Variants in DUSP3 observed in about 807,000 individuals in gnomAD.
DUSP3 encodes the protein dual specificity phosphatase 3.
DUSP3 carries 7 observed loss-of-function variants against 15.5 expected under a neutral mutation model. The ratio of observed to expected loss-of-function variants is 0.45; its 90% CI spans 0.26 to 0.85. The LOEUF is 0.85. DUSP3 is among the 40% of genes least tolerant of loss of function. The pLI is 0.18. For missense variants in DUSP3, 209 were observed against 251.7 expected (o/e 0.83, Z 1.15); for synonymous variants, 86 against 104.2 (o/e 0.83, Z 1.07).
intron 1 of DUSP3, chr17:43,777,394 G>T (rs1974402684): frequency 2.5e-6 from 1 of 402,064 alleles, no homozygotes; most frequent in Non-Finnish European, 5.0e-6. Flanking sequence ...GTGAATGAAT[G>T]ATGGAATGGA....
chr17:43,778,446 G>A (rs1314187281), intron 1 of DUSP3: 1 of 175,454 alleles, frequency 5.7e-6, no homozygotes, highest in Non-Finnish European at 1.2e-5. Context: ...GCGCGGGCAG[G>A]AGACCGGCCG....
At chr17:43,774,645 C>T (rs1974364481) in intron 2 of DUSP3, 67 bp downstream of exon 2, 1 of 1,544,902 alleles carries the variant, frequency 6.5e-7, no homozygotes, top group African/African-American at 1.4e-5. Flanking sequence ...CTGTTGTGGG[C>T]CTGTTTTCCA....
At chr17:43,778,608 T>G (rs933980731) in intron 1 of DUSP3, among the ~76,000 whole-genome samples, 192 bp downstream of exon 1, 4 of 151,958 alleles carry the variant, frequency 2.6e-5, no homozygotes, top group African/African-American at 9.7e-5. Context: ...CAGGCAGGGT[T>G]CCAGTTCCTT....
intron 2 of DUSP3, among the ~76,000 whole-genome samples, chr17:43,771,231 T>C (rs745499555): frequency 6.6e-6 from 1 of 151,836 alleles, no homozygotes; most frequent in Non-Finnish European, 1.5e-5. Context: ...CCCAAGACAA[T>C]GTAAACATTT....
rs1356409199 is a variant in DUSP3 at position 43,766,757 on chromosome 17, A to G, written c.*2852T>C. ...ATTTGTAGGTGGTGGTTTCTGGATA[A>G]CTCAGAGTGGCAGGGACACAGACGA... On this transcript the variant is annotated 3_prime_UTR_variant, in exon 3 of 3. Transcript: ENST00000226004. 6.6e-6 allele frequency: 1 copy of G among 152,292 alleles called. No individual in the cohort carries two copies. The highest frequency in any genetic ancestry group is 1.5e-5 in the Non-Finnish European group (1 of 68,058). The allele number at this position is 152,292 out of a possible 1,614,324, so 9.4% of individuals were successfully genotyped here.
At chr17:43,774,634 C>T in intron 2 of DUSP3, 78 bp downstream of exon 2, 1 of 1,466,670 alleles carries the variant, frequency 6.8e-7, no homozygotes, top group South Asian at 1.2e-5. Flanking sequence ...TAAGAAGAGA[C>T]CTGTTGTGGG....
At chr17:43,772,474 C>A (rs1488208991) in intron 2 of DUSP3, among the ~76,000 whole-genome samples, 1 of 152,144 alleles carries the variant, frequency 6.6e-6, no homozygotes, top group Admixed American at 6.5e-5. Flanking sequence ...GCCCAGATGC[C>A]ACCTCCTCCA....
chr17:43,778,364 C>G (rs1974416088), intron 1 of DUSP3: 1 of 154,198 alleles, frequency 6.5e-6, no homozygotes, highest in South Asian at 2.0e-4. Flanking sequence ...GTGACGTCGG[C>G]CCGTTGCCAT....
intron 1 of DUSP3, among the ~76,000 whole-genome samples, chr17:43,777,295 C>T (rs1457390270): frequency 6.6e-6 from 1 of 152,162 alleles, no homozygotes; most frequent in East Asian, 1.9e-4. Context: ...AATAATTCAA[C>T]ATTCAAAAAA....
At chr17:43,772,394 T>G (rs1462056172) in intron 2 of DUSP3, among the ~76,000 whole-genome samples, 1 of 152,086 alleles carries the variant, frequency 6.6e-6, no homozygotes, top group Non-Finnish European at 1.5e-5. Context: ...TAGAACATAC[T>G]CTGCATGCCC....
At chr17:43,771,275 A>G (rs905587785) in intron 2 of DUSP3, among the ~76,000 whole-genome samples, 10 of 152,028 alleles carry the variant, frequency 6.6e-5, no homozygotes, top group Non-Finnish European at 4.4e-5. Flanking sequence ...TAATGACAAG[A>G]AAAAAAATCT....
chr17:43,772,430 G>A (rs1974331384), intron 2 of DUSP3, among the ~76,000 whole-genome samples: 1 of 152,112 alleles, frequency 6.6e-6, no homozygotes, highest in Non-Finnish European at 1.5e-5. Flanking sequence ...TACTGGGAAA[G>A]GGGCCAGTTC....
At chr17:43,775,045 A>T in intron 1 of DUSP3, 107 bp from the exon 2 acceptor site, 3 of 1,149,340 alleles carry the variant, frequency 2.6e-6, no homozygotes, top group Non-Finnish European at 3.9e-6. Flanking sequence ...GAAACCCTCC[A>T]TGCTCTGGCC....
rs1462174304 is a variant in DUSP3 at position 43,766,617 on chromosome 17, A to G, written c.*2992T>C. On this transcript the variant is annotated 3_prime_UTR_variant, in exon 3 of 3. Coordinates refer to ENST00000226004, the MANE Select transcript of DUSP3 (RefSeq NM_004090.4). ...AAGGCAGCGCCACCTGCTGCCCATC[A>G]TATTATGGCTCACATACCCATAATT... 1 of 152,376 alleles carries G rather than the reference A, an allele frequency of 6.6e-6. No homozygotes were observed. The highest frequency in any genetic ancestry group is 2.4e-5 in the African/African-American group (1 of 41,336). 9.4% of individuals were successfully genotyped at this position (152,376 alleles called of 1,614,324 possible). A position where few individuals can be genotyped will look rare whatever the true frequency, so the allele number is the denominator to read the frequency against.
chr17:43,778,807 C>G lies in DUSP3; in HGVS notation c.118G>C (p.Gly40Arg). 6.5e-7 allele frequency: 1 copy of G among 1,535,124 alleles called. No homozygotes were observed. Among genetic ancestry groups the G allele is most frequent in the South Asian group, 1.2e-5 (1 of 81,608 alleles). Reference sequence around the variant, plus strand: ...CTCGCGAAAGGGACTCACGCGTTGCCCACGTAGATCCGCGGGGTGACCTCG... The same window carrying G: ...CTCGCGAAAGGGACTCACGCGTTGCGCACGTAGATCCGCGGGGTGACCTCG... ...CNEVTPRIYVGNASVAQDIPK... is the reference protein window; with the variant it reads ...CNEVTPRIYVRNASVAQDIPK... The change falls in exon 1 of 3, where the codon GGC becomes CGC. Residue 40 changes from glycine to arginine, a missense_variant. Coordinates refer to ENST00000226004, the MANE Select transcript of DUSP3 (RefSeq NM_004090.4).
rs1974272058 is a variant in DUSP3, at chr17:43,768,687, A to C, written c.*922T>G. 6.6e-6 allele frequency: 1 copy of C among 152,068 alleles called. No homozygotes were observed. The highest frequency in any genetic ancestry group is 2.1e-4 in the South Asian group (1 of 4,826). 9.4% of individuals were successfully genotyped at this position (152,068 alleles called of 1,614,324 possible). A position where few individuals can be genotyped will look rare whatever the true frequency, so the allele number is the denominator to read the frequency against. On this transcript the variant is annotated 3_prime_UTR_variant, in exon 3 of 3. Transcript: ENST00000226004. ...TGGAATAGCAACCGAGACAAAAAGC[A>C]GTTAGCACGAGTGGCTTGGGCTTGC...
chr17:43,777,775 T>C (rs1188285568), intron 1 of DUSP3: 2 of 235,114 alleles, frequency 8.5e-6, no homozygotes, highest in African/African-American at 4.5e-5. Flanking sequence ...CATCTCAGAA[T>C]GTTAACACTG....
chr17:43,769,265 T>C lies in DUSP3; in HGVS notation c.*344A>G, dbSNP rs1294219237. 3.6e-6 allele frequency: 1 copy of C among 277,924 alleles called. No individual in the cohort carries two copies. The highest frequency in any genetic ancestry group is 6.8e-6 in the Non-Finnish European group (1 of 146,578). The allele number at this position is 277,924 out of a possible 1,614,324, so 17.2% of individuals were successfully genotyped here. A position where few individuals can be genotyped will look rare whatever the true frequency, so the allele number is the denominator to read the frequency against. On this transcript the variant is annotated 3_prime_UTR_variant, in exon 3 of 3. Coordinates refer to ENST00000226004, the MANE Select transcript of DUSP3 (RefSeq NM_004090.4). ...GGGAAGGGAGGTCATGAGGGACCTC[T>C]GTGAGCATCTTAGGCCTTACACTTC...
chr17:43,776,420 C>A (rs1156252851), intron 1 of DUSP3, among the ~76,000 whole-genome samples: 1 of 152,260 alleles, frequency 6.6e-6, no homozygotes, highest in Non-Finnish European at 1.5e-5. Flanking sequence ...TCCAGCCCTG[C>A]TCTATCTTCC....
Sources: gnomAD v4.1 joint callset for allele counts (sites outside exome capture counted in the v4.1 genomes callset) on GRCh38, gnomAD v4.1.1 for gene constraint, MANE v1.5 for transcripts, NCBI Gene and HGNC (gene_info 2026-07-23, HGNC 2026-07-21) for gene names.